The following RNF144A variants were observed in gnomAD, a reference collection of about 807,000 sequenced individuals.
RNF144A encodes the protein E3 ubiquitin-protein ligase RNF144A.
RNF144A carries 11 observed loss-of-function variants against 38.7 expected under a neutral mutation model. The observed-to-expected ratio is 0.28, with a 90% CI of 0.18 to 0.47. The LOEUF is 0.47. Among genes scored for constraint, RNF144A ranks in the 20% least tolerant of loss-of-function variants. The pLI, the probability that RNF144A is intolerant of heterozygous loss-of-function variation, is 0.99. For synonymous variants in RNF144A, 149 were observed against 143.9 expected (o/e 1.04, Z -0.25); for missense variants, 316 against 377.2 (o/e 0.84, Z 1.34).
At position 7,019,038 on chromosome 2, in the gene RNF144A, C is replaced by T. The variant is rs771152729; in HGVS notation, c.302-1435C>T. ...GATCACTGTGTCTGCTTTTATGCAA[C>T]AGCAAAGCCCAGTAGCTGCGACAGA... On this transcript the variant is annotated intron_variant, in intron 5 of 8. Transcript: ENST00000320892. 6.6e-4 allele frequency among the ~76,000 whole-genome samples: 100 copies of T among 152,336 alleles called. 1 individual carries two copies. Among genetic ancestry groups the T allele is most frequent in the Middle Eastern group, 3.4e-3 (1 of 294 alleles).
chr2:7,020,443 T>G, intron 5 of RNF144A, 30 bp from the exon 6 acceptor site: 1 of 1,599,426 alleles, frequency 6.3e-7, no homozygotes, highest in Admixed American at 1.7e-5. Context: ...GGCTTAAGTT[T>G]GATTTGTCCA....
At chr2:6,925,949 G>A (rs1664838476) in intron 1 of RNF144A, among the ~76,000 whole-genome samples, 1 of 152,216 alleles carries the variant, frequency 6.6e-6, no homozygotes, top group Non-Finnish European at 1.5e-5. Context: ...CATAGTGTTT[G>A]TTTGTGTTTG....
chr2:6,997,692 C>G (rs1007183327), intron 3 of RNF144A, among the ~76,000 whole-genome samples: 1 of 152,024 alleles, frequency 6.6e-6, no homozygotes, highest in Non-Finnish European at 1.5e-5. Context: ...TTTAGTTAAT[C>G]TCATTGAATT....
intron 3 of RNF144A, among the ~76,000 whole-genome samples, chr2:7,001,899 C>T (rs1253278909): frequency 2.0e-5 from 3 of 152,222 alleles, no homozygotes; most frequent in Admixed American, 1.3e-4. Flanking sequence ...CCTAACTTCT[C>T]TGAGCCTTAG....
intron 2 of RNF144A, among the ~76,000 whole-genome samples, chr2:6,955,016 A>G (rs1666914174): frequency 6.6e-6 from 1 of 152,164 alleles, no homozygotes; most frequent in Non-Finnish European, 1.5e-5. Flanking sequence ...TTTCTGTGTG[A>G]CTTGAAATTT....
chr2:6,977,623 C>T (rs972485876), intron 2 of RNF144A, among the ~76,000 whole-genome samples: 4 of 152,184 alleles, frequency 2.6e-5, no homozygotes, highest in Non-Finnish European at 5.9e-5. Flanking sequence ...GCAGGAGAAG[C>T]GGTAAACCTT....
At chr2:7,029,662 A>T (rs549814375) in intron 7 of RNF144A, among the ~76,000 whole-genome samples, 170 of 152,366 alleles carry the variant, frequency 1.1e-3, no homozygotes, top group African/African-American at 3.9e-3. Context: ...CAATCCCAGG[A>T]ATAGCCCTGT....
chr2:6,945,105 G>A (rs16865731), intron 2 of RNF144A, among the ~76,000 whole-genome samples: 2,817 of 152,338 alleles, frequency 0.018, 103 homozygotes, highest in African/African-American at 0.064. Flanking sequence ...CCTTTGGACC[G>A]GCCACGTTTG....
intron 2 of RNF144A, among the ~76,000 whole-genome samples, chr2:6,948,129 T>A (rs1159840257): frequency 6.6e-6 from 1 of 152,212 alleles, no homozygotes; most frequent in Non-Finnish European, 1.5e-5. Context: ...GCAAGCTCTG[T>A]TGCTCCCAGC....
Position 6,958,785 on chromosome 2 carries a change from T to C in RNF144A, c.-12+17638T>C, listed in dbSNP as rs1667159740. ...GAGGAGGCAGAGGAGGACATGGGCC[T>C]GGTGTCTCACCTGCAAGGTGGCAGT... On this transcript the variant is annotated intron_variant, in intron 2 of 8. Transcript: ENST00000320892. The surrounding 1 kb of genome is among the most constrained non-coding windows in gnomAD (Gnocchi z 4.5). Among the ~76,000 whole-genome samples, 6 of 152,340 alleles carry C rather than the reference T, an allele frequency of 3.9e-5. No homozygotes were observed. In the South Asian group the frequency reaches 1.2e-3, roughly 32 times the overall value.
chr2:6,949,959 T>TA (rs1333010149), intron 2 of RNF144A, among the ~76,000 whole-genome samples: 2 of 152,126 alleles, frequency 1.3e-5, no homozygotes, highest in African/African-American at 4.8e-5. Context: ...TTATTATTAT[T>TA]TTTTTATTTA....
Position 7,041,745 on chromosome 2 carries a change from C to A in RNF144A, c.*1985C>A. ...AGTGGCCCACAGGACACGCCTCCACCATATGCTCATCCTTCCTGCCTGAAA... is the reference window on the plus strand; with the variant it reads ...AGTGGCCCACAGGACACGCCTCCACAATATGCTCATCCTTCCTGCCTGAAA... On this transcript the variant is annotated 3_prime_UTR_variant, in exon 9 of 9. Transcript: ENST00000320892. 1.0e-6 allele frequency: 1 copy of A among 985,632 alleles called. No individual in the cohort carries two copies. Among genetic ancestry groups the A allele is most frequent in the Non-Finnish European group, 1.2e-6 (1 of 830,074 alleles). 61.1% of individuals were successfully genotyped at this position (985,632 alleles called of 1,614,324 possible).
intron 2 of RNF144A, among the ~76,000 whole-genome samples, chr2:6,965,576 T>A (rs1667617045): frequency 6.6e-6 from 1 of 152,084 alleles, no homozygotes; most frequent in South Asian, 2.1e-4. Context: ...GATGGGGCGG[T>A]GACTCTGTCT....
intron 6 of RNF144A, among the ~76,000 whole-genome samples, chr2:7,052,698 A>G (rs1304543322): frequency 6.6e-6 from 1 of 152,124 alleles, no homozygotes. Flanking sequence ...TGTGACCCCC[A>G]TGCTGAGAGC....
downstream of RNF144A, among the ~76,000 whole-genome samples, chr2:7,047,846 T>A (rs1042488251): frequency 6.6e-6 from 1 of 152,208 alleles, no homozygotes; most frequent in African/African-American, 2.4e-5. Flanking sequence ...TATCTTCATA[T>A]CACTGGGGCT....
intron 6 of RNF144A, among the ~76,000 whole-genome samples, chr2:7,057,615 G>C (rs1673789503): frequency 6.6e-6 from 1 of 152,162 alleles, no homozygotes; most frequent in Non-Finnish European, 1.5e-5. Flanking sequence ...TAATAGATGA[G>C]GAAGCTACTA....
chr2:6,982,088 C>G (rs551452804), intron 2 of RNF144A, among the ~76,000 whole-genome samples: 1 of 152,234 alleles, frequency 6.6e-6, no homozygotes, highest in East Asian at 1.9e-4. Flanking sequence ...GAAACTGCCC[C>G]CCATGATCCA....
At chr2:6,985,031 C>G (rs1243837165) in intron 2 of RNF144A, among the ~76,000 whole-genome samples, 1 of 152,212 alleles carries the variant, frequency 6.6e-6, no homozygotes, top group Non-Finnish European at 1.5e-5. Flanking sequence ...CTTCTGTTCA[C>G]TGACCAGTTA....
In RNF144A at chr2:6,958,862, CTTGG is replaced by C. The variant is rs1226699963; in HGVS notation, c.-12+17716_-12+17719del. 6.6e-6 allele frequency among the ~76,000 whole-genome samples: 1 copy of C among 152,144 alleles called. No homozygotes were observed. ...TGGGAGTGGGCCCTGCTGAAAGGAG[CTTGG>C]ACACTATTCCAAAGCTTCTCTTTTA... On this transcript the variant is annotated intron_variant, in intron 2 of 8. Coordinates refer to ENST00000320892, the MANE Select transcript of RNF144A (RefSeq NM_014746.6). The surrounding 1 kb of genome is among the most constrained non-coding windows in gnomAD (Gnocchi z 4.5).
Sources: gnomAD v4.1 joint callset for allele counts (sites outside exome capture counted in the v4.1 genomes callset) on GRCh38, gnomAD v4.1.1 for gene constraint, Gnocchi (gnomAD v3.1) non-coding constraint, MANE v1.5 for transcripts, NCBI Gene and HGNC (gene_info 2026-07-23, HGNC 2026-07-21) for gene names.